PAM: variants seen among roughly 807,000 people sequenced by gnomAD.
PAM encodes the protein peptidyl-glycine alpha-amidating monooxygenase.
A neutral mutation model predicts 122.1 loss-of-function variants in PAM; 72 were observed. The ratio of observed to expected loss-of-function variants is 0.59; its 90% CI spans 0.49 to 0.72. PAM has a LOEUF of 0.72. Ranked by LOEUF, PAM falls within the 30% of genes least tolerant of loss-of-function variation. The probability of loss-of-function intolerance (pLI) is 0.00; values close to 1 mark genes in which losing one functional copy is unlikely to be tolerated. For missense variants in PAM, 1,106 were observed against 1,183.7 expected, an observed-to-expected ratio of 0.93 and a Z score of 0.96; for synonymous variants, 389 against 404.4, an observed-to-expected ratio of 0.96 and a Z score of 0.46.
Position 102,926,646 on chromosome 5 carries a change from T to A in PAM, c.504T>A (p.Tyr168Ter). Residue 168 changes from tyrosine to a stop codon, truncating the protein, a stop_gained, in exon 7 of 26, where the codon TAT (tyrosine) becomes TAA (stop). Transcript: ENST00000438793. LOFTEE classifies it high-confidence loss of function. ...GSKYFVLQVH[Y>*]GDISAFRDNN... ...AATACTTTGTACTACAGGTACACTATGGGGATATTAGTGCTTTTAGAGGTA... is the reference window on the plus strand; with the variant it reads ...AATACTTTGTACTACAGGTACACTAAGGGGATATTAGTGCTTTTAGAGGTA... 4 of 1,587,298 alleles carry A rather than the reference T, an allele frequency of 2.5e-6. No individual in the cohort carries two copies. Among genetic ancestry groups the A allele is most frequent in the Non-Finnish European group, 3.5e-6 (4 of 1,155,754 alleles).
At chr5:102,817,494 A>C (rs967275554) in intron 1 of PAM, among the ~76,000 whole-genome samples, 1 of 152,110 alleles carries the variant, frequency 6.6e-6, no homozygotes, top group Non-Finnish European at 1.5e-5. Flanking sequence ...TATTTTGGTT[A>C]TATTAGGTTA....
At chr5:102,796,665 T>G (rs1280308684) in intron 1 of PAM, among the ~76,000 whole-genome samples, 2 of 152,210 alleles carry the variant, frequency 1.3e-5, no homozygotes, top group Non-Finnish European at 2.9e-5. Context: ...TCCTTCATTT[T>G]CTTTCGTTTG....
chr5:103,011,564 T>C (rs1283195092), intron 21 of PAM, among the ~76,000 whole-genome samples: 2 of 152,228 alleles, frequency 1.3e-5, no homozygotes, highest in Non-Finnish European at 2.9e-5. Context: ...TGATCTCCAG[T>C]TCCATCCATG....
chr5:103,025,312 GA>G lies in PAM; in HGVS notation c.2673del (p.Lys891AsnfsTer31). ...LLAIAIFIRW[K>X]KSRAFGDSEH... ...TGGCCATTGCCATATTTATTCGGTGGAAAAAATCAAGGGCCTTTGGAGGCAA... is the reference window on the plus strand; with the variant it reads ...TGGCCATTGCCATATTTATTCGGTGGAAAAATCAAGGGCCTTTGGAGGCAA... On this transcript the variant is annotated frameshift_variant, in exon 24 of 26. Transcript: ENST00000438793. LOFTEE classifies it high-confidence loss of function. 1 of 1,613,512 alleles carries G rather than the reference GA, an allele frequency of 6.2e-7. No individual in the cohort carries two copies. The highest frequency in any genetic ancestry group is 1.1e-5 in the South Asian group (1 of 91,054).
intron 3 of PAM, among the ~76,000 whole-genome samples, chr5:102,888,131 C>T (rs532575547): frequency 6.6e-6 from 1 of 152,188 alleles, no homozygotes; most frequent in East Asian, 1.9e-4. Context: ...CATTGTATCT[C>T]ATCAGTCTAT....
rs1392126126 is a variant in PAM at position 103,025,258 on chromosome 5, C to A, written c.2613C>A (p.Thr871=). 5 of 1,613,756 alleles carry A rather than the reference C, an allele frequency of 3.1e-6. No individual in the cohort carries two copies. The South Asian group carries it at 4.4e-5, about 14-fold the overall frequency. Reference sequence around the variant, plus strand: ...GAGTGCCTGTTGTTCTCATTACAACCCTTCTGGTTATTCCGGTGGTTGTCC... The same window carrying A: ...GAGTGCCTGTTGTTCTCATTACAACACTTCTGGTTATTCCGGTGGTTGTCC... ...GSGVPVVLIT[T]LLVIPVVVLL... Residue 871 remains threonine, a synonymous_variant, in exon 24 of 26, where the codon ACC becomes ACA. Transcript: ENST00000438793.
At chr5:102,982,381 A>C (rs1276259721) in intron 15 of PAM, among the ~76,000 whole-genome samples, 1 of 151,934 alleles carries the variant, frequency 6.6e-6, no homozygotes, top group Non-Finnish European at 1.5e-5. Context: ...CAAGGACCTA[A>C]CTGCCCATCC....
intron 1 of PAM, among the ~76,000 whole-genome samples, chr5:102,856,083 A>G (rs1470824139): frequency 6.6e-6 from 1 of 152,138 alleles, no homozygotes; most frequent in Non-Finnish European, 1.5e-5. Flanking sequence ...ACTGAAGAGG[A>G]ACAAAGTCCA....
At chr5:103,004,207 G>T (rs752058276) in intron 17 of PAM, among the ~76,000 whole-genome samples, 5 of 152,204 alleles carry the variant, frequency 3.3e-5, no homozygotes, top group Non-Finnish European at 7.3e-5. Context: ...TGTCAGGGGT[G>T]AAATGTTTGA....
In PAM at chr5:103,009,865, A is replaced by C. The variant is rs1180429071; in HGVS notation, c.2330A>C (p.Lys777Thr). 1 of 1,519,380 alleles carries C rather than the reference A, an allele frequency of 6.6e-7. No individual in the cohort carries two copies. The highest frequency in any genetic ancestry group is 1.7e-5 in the Admixed American group (1 of 58,736). The allele number at this position is 1,519,380 out of a possible 1,614,324, so 94.1% of individuals were successfully genotyped here. Residue 777 changes from lysine (K) to threonine (T), a missense_variant and splice_region_variant, in exon 21 of 26, where the codon AAG (lysine) becomes ACG (threonine). This residue lies in a region of PAM where 333 missense variants were observed against 335.6 expected (regional missense o/e 0.99). Transcript: ENST00000438793. ...EIIDIFKPVRKHFDMPHDIVA... is the reference protein window; with the variant it reads ...EIIDIFKPVRTHFDMPHDIVA... Reference sequence around the variant, plus strand: ...ATAGACATCTTCAAGCCAGTGCGCAAGGTATTTACACACATTGTCTAGGTT... The same window carrying C: ...ATAGACATCTTCAAGCCAGTGCGCACGGTATTTACACACATTGTCTAGGTT...
At chr5:102,756,098 G>C (rs764067219) in intron 1 of PAM, among the ~76,000 whole-genome samples, 1 of 152,174 alleles carries the variant, frequency 6.6e-6, no homozygotes, top group African/African-American at 2.4e-5. Context: ...ATATGCGTCA[G>C]CTCTGCCTGC....
At chr5:102,906,603 T>TC (rs768214907) in intron 4 of PAM, among the ~76,000 whole-genome samples, 3 of 151,712 alleles carry the variant, frequency 2.0e-5, no homozygotes, top group Non-Finnish European at 4.4e-5. Flanking sequence ...ACAAATTACT[T>TC]CACTTCTCTT....
intron 1 of PAM, among the ~76,000 whole-genome samples, chr5:102,759,673 T>G (rs1422430706): frequency 2.0e-5 from 3 of 152,296 alleles, no homozygotes; most frequent in South Asian, 4.1e-4. Flanking sequence ...GGCCACCACT[T>G]TATGACCTCT....
intron 1 of PAM, among the ~76,000 whole-genome samples, chr5:102,835,854 T>C (rs905142704): frequency 2.0e-5 from 3 of 152,132 alleles, no homozygotes; most frequent in Non-Finnish European, 4.4e-5. Flanking sequence ...GAGGGAGAGA[T>C]TGCAGAAATT....
intron 1 of PAM, among the ~76,000 whole-genome samples, chr5:102,763,178 G>T (rs766055027): frequency 3.3e-5 from 5 of 152,098 alleles, no homozygotes; most frequent in Non-Finnish European, 5.9e-5. Flanking sequence ...CACTGTTTCA[G>T]CTTGCATTGT....
intron 24 of PAM, 38 bp from the exon 25 acceptor site, chr5:103,028,147 T>C (rs762223695): frequency 6.5e-6 from 10 of 1,546,230 alleles, no homozygotes; most frequent in African/African-American, 2.7e-5. Flanking sequence ...GAAAGATGAC[T>C]GGGACTCATT....
At chr5:102,823,451 A>G (rs962609758) in intron 1 of PAM, among the ~76,000 whole-genome samples, 1 of 152,228 alleles carries the variant, frequency 6.6e-6, no homozygotes, top group African/African-American at 2.4e-5. Flanking sequence ...AAGTATTTCA[A>G]ATATGTGACC....
At chr5:102,813,053 A>G (rs999742826) in intron 1 of PAM, among the ~76,000 whole-genome samples, 2 of 151,736 alleles carry the variant, frequency 1.3e-5, no homozygotes, top group African/African-American at 4.8e-5. Context: ...TAGAGAAGAG[A>G]TGAAATCTAT....
intron 7 of PAM, among the ~76,000 whole-genome samples, chr5:102,942,956 A>T (rs183175054): frequency 2.6e-5 from 4 of 152,190 alleles, no homozygotes; most frequent in Admixed American, 2.6e-4. Flanking sequence ...GTACCTCCTT[A>T]AAGAAAGAAT....
Sources: gnomAD v4.1 joint callset for allele counts (sites outside exome capture counted in the v4.1 genomes callset) on GRCh38, gnomAD v4.1.1 for gene constraint, gnomAD v4.1.1 regional missense constraint, MANE v1.5 for transcripts, NCBI Gene and HGNC (gene_info 2026-07-23, HGNC 2026-07-21) for gene names.